AK7: variants seen among roughly 807,000 people sequenced by gnomAD.
AK7 encodes ATP-AMP transphosphorylase 7.
Under a neutral mutation model 96.6 loss-of-function variants are expected in AK7, and 78 were observed. The ratio of observed to expected loss-of-function variants is 0.81; its 90% CI spans 0.67 to 0.97. The LOEUF is 0.97. AK7 is among the 50% of genes least tolerant of loss of function. The pLI is 0.00. For synonymous variants in AK7, 302 were observed against 317.2 expected (o/e 0.95, Z 0.51); for missense variants, 855 against 887.9 (o/e 0.96, Z 0.47).
chr14:96,402,010 T>A (rs1890436799), intron 2 of AK7, among the ~76,000 whole-genome samples: 1 of 152,220 alleles, frequency 6.6e-6, no homozygotes, highest in Non-Finnish European at 1.5e-5. Context: ...CAGCCTGTTA[T>A]GTTGGCTGTC....
chr14:96,456,658 G>A (rs1893929117), intron 11 of AK7, 183 bp downstream of exon 11: 1 of 576,136 alleles, frequency 1.7e-6, no homozygotes. Flanking sequence ...TTCCCCCTCA[G>A]GCCTGAGAAG....
intron 2 of AK7, among the ~76,000 whole-genome samples, chr14:96,401,117 C>T (rs891576182): frequency 6.6e-6 from 1 of 152,144 alleles, no homozygotes; most frequent in African/African-American, 2.4e-5. Flanking sequence ...CAGCATCTCT[C>T]ACTACTCACC....
chr14:96,431,486 C>T (rs1414617696), intron 5 of AK7, among the ~76,000 whole-genome samples: 1 of 152,190 alleles, frequency 6.6e-6, no homozygotes, highest in Non-Finnish European at 1.5e-5. Context: ...TTTCAAAGAA[C>T]ATCTTTATTT....
At chr14:96,472,819 C>T (rs917281590) in intron 14 of AK7, 64 bp downstream of exon 14, 126 of 1,402,906 alleles carry the variant, frequency 9.0e-5, no homozygotes, top group Non-Finnish European at 1.1e-4. Context: ...TGGTGGCTCA[C>T]GCCTGTAATC....
At chr14:96,478,002 T>G (rs1895279458) in intron 14 of AK7, among the ~76,000 whole-genome samples, 1 of 152,160 alleles carries the variant, frequency 6.6e-6, no homozygotes, top group African/African-American at 2.4e-5. Flanking sequence ...AGTAAGACCT[T>G]GTATCTCTCT....
At chr14:96,436,322 C>T (rs928743744) in intron 5 of AK7, among the ~76,000 whole-genome samples, 1 of 152,120 alleles carries the variant, frequency 6.6e-6, no homozygotes, top group Non-Finnish European at 1.5e-5. Flanking sequence ...CACTACCTTC[C>T]CACAAGAGCC....
chr14:96,457,302 C>G (rs1595439557), intron 11 of AK7, among the ~76,000 whole-genome samples: 1 of 152,070 alleles, frequency 6.6e-6, no homozygotes, highest in African/African-American at 2.4e-5. Flanking sequence ...CTCAGGTGAT[C>G]CGCCCGCCTT....
rs1428999823 is a variant in AK7 at position 96,408,913 on chromosome 14, C to A, written c.470C>A (p.Thr157Asn). ...KLFILLSTVM[T>N]WARSKALDPE... The stretch of plus-strand genomic sequence containing the variant: ...TTTATTTTACTGTCGACGGTGATGA[C>A]TTGGGCGCGCTCCAAAGCCCTGGAC... The change falls in exon 4 of 18, where the codon ACT becomes AAT. Residue 157 changes from threonine to asparagine, a missense_variant. Thr to Asn is a moderately conservative substitution (Grantham distance 65). Coordinates refer to ENST00000267584, the MANE Select transcript of AK7 (RefSeq NM_152327.5). 1 of 1,614,252 alleles carries A rather than the reference C, an allele frequency of 6.2e-7. No individual in the cohort carries two copies. The highest frequency in any genetic ancestry group is 1.7e-5 in the Admixed American group (1 of 60,034).
intron 4 of AK7, among the ~76,000 whole-genome samples, chr14:96,414,333 A>G (rs550890740): frequency 6.6e-5 from 10 of 152,292 alleles, no homozygotes; most frequent in Non-Finnish European, 1.5e-4. Flanking sequence ...AATTTCTTTG[A>G]CTAAAACTCA....
intron 5 of AK7, among the ~76,000 whole-genome samples, chr14:96,425,975 T>A (rs1892007371): frequency 6.6e-6 from 1 of 152,198 alleles, no homozygotes; most frequent in Non-Finnish European, 1.5e-5. Flanking sequence ...AGCCAGTCTA[T>A]GTCTTTTGAT....
chr14:96,394,187 C>A (rs1388386396), intron 1 of AK7, among the ~76,000 whole-genome samples: 2 of 151,842 alleles, frequency 1.3e-5, no homozygotes, highest in African/African-American at 2.4e-5. Flanking sequence ...TCTCAGAGGG[C>A]ACAGCAAAAG....
At chr14:96,395,971 C>G (rs898043365) in intron 1 of AK7, among the ~76,000 whole-genome samples, 5 of 151,492 alleles carry the variant, frequency 3.3e-5, no homozygotes, top group Non-Finnish European at 5.9e-5. Context: ...GCCACCATGC[C>G]CAGCTAATTT....
At chr14:96,443,644 ATCC>A in intron 7 of AK7, among the ~76,000 whole-genome samples, 1 of 152,272 alleles carries the variant, frequency 6.6e-6, no homozygotes, top group East Asian at 1.9e-4. Flanking sequence ...TTAAAGAAGG[ATCC>A]TATGAGTCAG....
chr14:96,434,422 G>GTCTCTCTCTC (rs3077780), intron 5 of AK7, among the ~76,000 whole-genome samples: 168 of 149,434 alleles, frequency 1.1e-3, no homozygotes, highest in African/African-American at 4.0e-3. Context: ...CTGTCTGTCT[G>GTCTCTCTCTC]TCTCTCTCTC....
Position 96,439,329 on chromosome 14 carries a change from G to A in AK7, c.690+1414G>A, listed in dbSNP as rs890262830. Among the ~76,000 whole-genome samples, 6 of 151,990 alleles carry A rather than the reference G, an allele frequency of 3.9e-5. No homozygotes were observed. In the East Asian group the frequency reaches 9.7e-4, roughly 24 times the overall value. ...GGAATTAGGAAAGGAGGTTGAGAAGGGTGGGCAGGAAGCAGGAGAGGAAAT... is the reference window on the plus strand; with the variant it reads ...GGAATTAGGAAAGGAGGTTGAGAAGAGTGGGCAGGAAGCAGGAGAGGAAAT... On this transcript the variant is annotated intron_variant, in intron 6 of 17. Transcript: ENST00000267584.
At chr14:96,392,315 GC>G in intron 1 of AK7, 56 bp downstream of exon 1, 6 of 1,504,968 alleles carry the variant, frequency 4.0e-6, no homozygotes, top group Non-Finnish European at 5.5e-6. Context: ...CCAGCCCTCG[GC>G]CCCCGGTCCG....
intron 14 of AK7, 52 bp from the exon 15 acceptor site, chr14:96,478,413 C>A (rs1895304861): frequency 6.3e-7 from 1 of 1,587,546 alleles, no homozygotes. Context: ...CAGCACCCTG[C>A]TAGTTAGCTG....
chr14:96,478,759 G>A, intron 15 of AK7, 97 bp downstream of exon 15: 1 of 1,252,850 alleles, frequency 8.0e-7, no homozygotes, highest in Non-Finnish European at 1.1e-6. Context: ...GGAGGGTGGG[G>A]AGTGTAATCA....
chr14:96,433,030 G>A (rs1892446693), intron 5 of AK7, among the ~76,000 whole-genome samples: 1 of 152,098 alleles, frequency 6.6e-6, no homozygotes, highest in African/African-American at 2.4e-5. Flanking sequence ...AGTTTCTGCC[G>A]AGAGGTCTGC....
Sources: gnomAD v4.1 joint callset for allele counts (sites outside exome capture counted in the v4.1 genomes callset) on GRCh38, gnomAD v4.1.1 for gene constraint, MANE v1.5 for transcripts, NCBI Gene and HGNC (gene_info 2026-07-23, HGNC 2026-07-21) for gene names.